Variants in CIMIP1 observed in about 807,000 individuals in gnomAD.
The protein encoded by CIMIP1 is ciliary microtubule inner protein 1.
At chr20:58,159,251 C>T in the CIMIP1 span, among the ~76,000 whole-genome samples, 130 of 135,140 alleles carry the variant, frequency 9.6e-4, no homozygotes, top group Non-Finnish European at 1.8e-3. Context: ...CATGATGGCT[C>T]ATGCCTATAA....
chr20:58,160,949 T>C, the CIMIP1 span: 1 of 1,060,094 alleles, frequency 9.4e-7, no homozygotes, highest in African/African-American at 1.6e-5. Context: ...TCATGGGATG[T>C]TGCAAAGAAC....
the CIMIP1 span, among the ~76,000 whole-genome samples, chr20:58,159,495 A>T: frequency 6.7e-6 from 1 of 148,664 alleles, no homozygotes; most frequent in Non-Finnish European, 1.5e-5. Context: ...AGCCTGGATG[A>T]CAGAGCAAGA....
At chr20:58,160,898 G>A in the CIMIP1 span, 1 of 1,505,848 alleles carries the variant, frequency 6.6e-7, no homozygotes, top group Non-Finnish European at 9.0e-7. Context: ...GAAAGGAAGA[G>A]CTCCCCTGAA....
chr20:58,151,004 A>C, the CIMIP1 span: 9 of 1,609,158 alleles, frequency 5.6e-6, no homozygotes, highest in Admixed American at 1.2e-4. Flanking sequence ...GGCTGAACGC[A>C]TGAACCTTGT....
At chr20:58,152,552 A>G in the CIMIP1 span, among the ~76,000 whole-genome samples, 4 of 152,118 alleles carry the variant, frequency 2.6e-5, no homozygotes, top group Admixed American at 6.5e-5. Flanking sequence ...GTGAAACCCC[A>G]TCTCTACTAA....
chr20:58,152,722 CAAAAAAAAAAAA>C, the CIMIP1 span, among the ~76,000 whole-genome samples: 2 of 84,888 alleles, frequency 2.4e-5, no homozygotes, highest in Admixed American at 1.4e-4. Context: ...GAAACTCCAT[CAAAAAAAAAAAA>C]AAAAAAAAAA....
At chr20:58,153,490 G>A in the CIMIP1 span, 3 of 1,356,888 alleles carry the variant, frequency 2.2e-6, no homozygotes, top group South Asian at 3.5e-5. Context: ...GTCCCCCACA[G>A]ACCCCTTGAA....
chr20:58,152,957 G>A, the CIMIP1 span, among the ~76,000 whole-genome samples: 1 of 152,274 alleles, frequency 6.6e-6, no homozygotes, highest in South Asian at 2.1e-4. Context: ...GAAGAAACTA[G>A]AAAACTCAAA....
the CIMIP1 span, among the ~76,000 whole-genome samples, chr20:58,151,913 CA>C: frequency 6.6e-6 from 1 of 152,150 alleles, no homozygotes; most frequent in Non-Finnish European, 1.5e-5. Context: ...CGTATTATTG[CA>C]TCTCTTTGAA....
chr20:58,153,769 G>A, the CIMIP1 span: 33 of 636,832 alleles, frequency 5.2e-5, 1 homozygote, highest in Admixed American at 5.3e-4. Flanking sequence ...GAAGGTTCCC[G>A]CCTTTCACAG....
At chr20:58,153,653 G>T in the CIMIP1 span, 96 of 1,435,696 alleles carry the variant, frequency 6.7e-5, no homozygotes, top group Middle Eastern at 1.6e-3. Flanking sequence ...GAGCCCCAAG[G>T]TTACAGAATC....
At chr20:58,151,243 T>C in the CIMIP1 span, among the ~76,000 whole-genome samples, 6 of 151,930 alleles carry the variant, frequency 3.9e-5, no homozygotes, top group African/African-American at 1.5e-4. Flanking sequence ...TCCGTCTCCT[T>C]CTCCCTCTCC....
the CIMIP1 span, among the ~76,000 whole-genome samples, chr20:58,157,482 G>A: frequency 6.6e-6 from 1 of 152,054 alleles, no homozygotes; most frequent in Non-Finnish European, 1.5e-5. Flanking sequence ...TTAGGTATAT[G>A]TTTACAAATC....
At chr20:58,150,968 G>T in the CIMIP1 span, 2 of 1,605,756 alleles carry the variant, frequency 1.2e-6, no homozygotes, top group Middle Eastern at 1.7e-4. Context: ...AGGCCTCATG[G>T]CGCAGAAACC....
At chr20:58,157,229 C>T in the CIMIP1 span, among the ~76,000 whole-genome samples, 19 of 152,132 alleles carry the variant, frequency 1.2e-4, no homozygotes, top group Non-Finnish European at 8.8e-5. Flanking sequence ...AGCCGCTCAC[C>T]GTGGTGACTG....
the CIMIP1 span, among the ~76,000 whole-genome samples, chr20:58,152,722 C>CAAA: frequency 3.7e-4 from 31 of 84,722 alleles, no homozygotes; most frequent in Admixed American, 9.8e-4. Context: ...GAAACTCCAT[C>CAAA]AAAAAAAAAA....
the CIMIP1 span, among the ~76,000 whole-genome samples, chr20:58,158,181 T>A: frequency 0.57 from 86,830 of 151,950 alleles, 25,508 homozygotes; most frequent in East Asian, 0.96. Context: ...CACCAGAACA[T>A]ACCAAAACAT....
chr20:58,155,536 C>G, the CIMIP1 span: 1 of 1,614,202 alleles, frequency 6.2e-7, no homozygotes, highest in Admixed American at 1.7e-5. Flanking sequence ...GTTTCCGCAT[C>G]CGGCCGGTGA....
At chr20:58,154,811 T>C in the CIMIP1 span, among the ~76,000 whole-genome samples, 2 of 152,176 alleles carry the variant, frequency 1.3e-5, no homozygotes, top group Non-Finnish European at 2.9e-5. Context: ...TTTGTTAGTT[T>C]GTTTGTTGTT....
Sources: allele counts gnomAD v4.1 joint callset (sites outside exome capture counted in the v4.1 genomes callset), GRCh38; gene constraint gnomAD v4.1.1; transcripts MANE v1.5; gene names NCBI Gene and HGNC (gene_info 2026-07-23, HGNC 2026-07-21).